AKAP19: variants seen among roughly 807,000 people sequenced by gnomAD.
The protein encoded by AKAP19 is small A-kinase anchoring protein.
the AKAP19 span, among the ~76,000 whole-genome samples, chr2:189,981,438 G>A: frequency 4.6e-5 from 7 of 151,996 alleles, no homozygotes; most frequent in East Asian, 1.4e-3. Flanking sequence ...CAGAAGTTTG[G>A]GTCTTGTATT....
the AKAP19 span, chr2:190,180,435 G>T: frequency 2.0e-6 from 2 of 980,998 alleles, no homozygotes; most frequent in African/African-American, 3.5e-5. The surrounding 1 kb of genome is among the most constrained non-coding windows in gnomAD (Gnocchi z 6.8). Context: ...CAGCCCAGGG[G>T]GCCGAGACCA....
the AKAP19 span, among the ~76,000 whole-genome samples, chr2:190,145,100 T>C: frequency 6.6e-6 from 1 of 151,948 alleles, no homozygotes; most frequent in Non-Finnish European, 1.5e-5. Context: ...GCCTGGGCAA[T>C]ATAGTGAGAC....
At chr2:190,115,260 C>T in the AKAP19 span, among the ~76,000 whole-genome samples, 1 of 11,160 alleles carries the variant, frequency 9.0e-5, no homozygotes, top group Admixed American at 2.3e-3. Context: ...AGGCAAGAAG[C>T]ATATATATAT....
At chr2:189,936,779 A>T in the AKAP19 span, among the ~76,000 whole-genome samples, 30 of 152,292 alleles carry the variant, frequency 2.0e-4, no homozygotes, top group Middle Eastern at 3.4e-3. Flanking sequence ...AGTGAAAGAG[A>T]CCTTACACAG....
chr2:189,923,511 A>G, the AKAP19 span: 118 of 1,613,726 alleles, frequency 7.3e-5, 2 homozygotes, highest in South Asian at 1.1e-3. Flanking sequence ...CAGTATGTTA[A>G]TGAGAGAAAT....
the AKAP19 span, among the ~76,000 whole-genome samples, chr2:190,162,119 C>G: frequency 6.6e-6 from 1 of 152,066 alleles, no homozygotes; most frequent in Non-Finnish European, 1.5e-5. Context: ...GTGTTTTCTT[C>G]TCATAATTTT....
At chr2:190,137,818 C>G in the AKAP19 span, 1 of 3,850 alleles carries the variant, frequency 2.6e-4, no homozygotes, top group East Asian at 0.045. Flanking sequence ...TACTTTATAT[C>G]TGTTTTGGAT....
chr2:189,941,317 C>T, the AKAP19 span, among the ~76,000 whole-genome samples: 1 of 152,244 alleles, frequency 6.6e-6, no homozygotes, highest in African/African-American at 2.4e-5. Flanking sequence ...AATACACAGA[C>T]AAACTTAGGA....
the AKAP19 span, among the ~76,000 whole-genome samples, chr2:190,071,933 A>G: frequency 1.3e-5 from 2 of 152,194 alleles, no homozygotes; most frequent in Admixed American, 6.5e-5. Flanking sequence ...AGGAAATTTT[A>G]TGATGGTAGA....
the AKAP19 span, among the ~76,000 whole-genome samples, chr2:190,126,449 A>T: frequency 1.3e-5 from 2 of 151,930 alleles, no homozygotes; most frequent in East Asian, 3.9e-4. Context: ...TATCCTTGAG[A>T]AGAAAAAAAG....
chr2:189,882,230 C>T, the AKAP19 span, among the ~76,000 whole-genome samples: 2 of 152,156 alleles, frequency 1.3e-5, no homozygotes, highest in Admixed American at 6.5e-5. Context: ...CTCACCTAAA[C>T]GTGATAAGTT....
the AKAP19 span, among the ~76,000 whole-genome samples, chr2:189,958,522 CATATAT>C: frequency 0.033 from 4,794 of 143,726 alleles, 241 homozygotes; most frequent in African/African-American, 0.11. Flanking sequence ...ACACACATAA[CATATAT>C]ATATATATAT....
the AKAP19 span, among the ~76,000 whole-genome samples, chr2:190,082,544 C>G: frequency 1.3e-5 from 2 of 152,210 alleles, no homozygotes; most frequent in Non-Finnish European, 2.9e-5. Flanking sequence ...ATGCCCACAT[C>G]GAAAACAGAA....
At chr2:190,014,967 C>T in the AKAP19 span, among the ~76,000 whole-genome samples, 1 of 152,226 alleles carries the variant, frequency 6.6e-6, no homozygotes, top group South Asian at 2.1e-4. Context: ...TGGGCTCAGG[C>T]ACCTCCATTC....
the AKAP19 span, among the ~76,000 whole-genome samples, chr2:189,890,721 A>G: frequency 2.6e-5 from 4 of 152,062 alleles, no homozygotes; most frequent in Non-Finnish European, 5.9e-5. Flanking sequence ...AGTCTGTTTT[A>G]TCAGAGACTA....
chr2:189,984,541 G>T, the AKAP19 span, among the ~76,000 whole-genome samples: 1 of 152,092 alleles, frequency 6.6e-6, no homozygotes, highest in Non-Finnish European at 1.5e-5. Flanking sequence ...TACAATTTGT[G>T]CAGTTAATGC....
chr2:190,017,372 T>C, the AKAP19 span, among the ~76,000 whole-genome samples: 8 of 152,150 alleles, frequency 5.3e-5, no homozygotes, highest in African/African-American at 1.9e-4. Flanking sequence ...CCTTTGTGGT[T>C]TGATGGTTTT....
the AKAP19 span, among the ~76,000 whole-genome samples, chr2:190,153,512 G>A: frequency 2.6e-5 from 4 of 152,100 alleles, no homozygotes; most frequent in South Asian, 8.3e-4. Flanking sequence ...TTCTCCACTA[G>A]GAAATGGGCT....
chr2:190,173,755 GT>G, the AKAP19 span, among the ~76,000 whole-genome samples: 1 of 152,136 alleles, frequency 6.6e-6, no homozygotes, highest in Non-Finnish European at 1.5e-5. Context: ...CCTCTTCAAA[GT>G]TTAGCCTGTT....
Sources: gnomAD v4.1 joint callset for allele counts (sites outside exome capture counted in the v4.1 genomes callset) on GRCh38, gnomAD v4.1.1 for gene constraint, Gnocchi (gnomAD v3.1) non-coding constraint, MANE v1.5 for transcripts, NCBI Gene and HGNC (gene_info 2026-07-23, HGNC 2026-07-21) for gene names.